SORCS2: variants seen among roughly 807,000 people sequenced by gnomAD.
SORCS2 encodes sortilin related VPS10 domain containing receptor 2.
A neutral mutation model predicts 141.6 loss-of-function variants in SORCS2; 100 were observed. That is an observed-to-expected ratio of 0.71 (90% CI 0.60 to 0.83). The LOEUF is 0.83. SORCS2 is among the 40% of genes least tolerant of loss of function. The probability of loss-of-function intolerance (pLI) is 0.00; values close to 1 mark genes in which losing one functional copy is unlikely to be tolerated. For missense variants in SORCS2, 1,646 were observed against 1,560.2 expected (o/e 1.05, Z -0.93); for synonymous variants, 789 against 676.9 (o/e 1.17, Z -2.57).
chr4:7,659,301 A>G (rs954138813), intron 5 of SORCS2, among the ~76,000 whole-genome samples: 3 of 151,516 alleles, frequency 2.0e-5, no homozygotes, highest in African/African-American at 4.9e-5. Flanking sequence ...AAAAAAAAAA[A>G]TCCGTACTCC....
At chr4:7,194,677 A>G (rs1727065310) in intron 1 of SORCS2, among the ~76,000 whole-genome samples, 1 of 152,054 alleles carries the variant, frequency 6.6e-6, no homozygotes, top group Non-Finnish European at 1.5e-5. Context: ...GAAGAGCCCT[A>G]GAAGAGTTCT....
At position 7,689,530 on chromosome 4, in the gene SORCS2, C is replaced by T. The variant is rs751486795; in HGVS notation, c.1533C>T (p.Pro511=). The change falls in exon 11 of 27, where the codon CCC becomes CCT. Residue 511 remains proline (P), a synonymous_variant. Transcript: ENST00000507866. ...LHLHLRWADN[P]YVSGTVHTKD... ...TGCACCTGCGCTGGGCAGACAACCC[C>T]TACGTATCAGGCACCGTGCACACCA... 1.4e-5 allele frequency: 23 copies of T among 1,607,234 alleles called. No homozygotes were observed. Among genetic ancestry groups the T allele is most frequent in the Non-Finnish European group, 2.0e-5 (23 of 1,177,452 alleles).
chr4:7,360,877 G>C (rs1185506693), intron 1 of SORCS2, among the ~76,000 whole-genome samples: 2 of 151,296 alleles, frequency 1.3e-5, no homozygotes, highest in Admixed American at 1.3e-4. Flanking sequence ...TGCCCGGCCC[G>C]CCCAGTCCCT....
At chr4:7,272,956 C>T (rs574153345) in intron 1 of SORCS2, among the ~76,000 whole-genome samples, 1 of 152,358 alleles carries the variant, frequency 6.6e-6, no homozygotes, top group South Asian at 2.1e-4. Flanking sequence ...ACACAGTGGG[C>T]CCTGGACCAA....
intron 2 of SORCS2, among the ~76,000 whole-genome samples, chr4:7,469,164 G>A (rs1298113955): frequency 1.3e-5 from 2 of 151,974 alleles, no homozygotes; most frequent in Non-Finnish European, 2.9e-5. Context: ...TGGTGGTGAT[G>A]GTCCTGGTGA....
chr4:7,670,962 T>C (rs1722765079), intron 8 of SORCS2, among the ~76,000 whole-genome samples: 1 of 152,166 alleles, frequency 6.6e-6, no homozygotes, highest in African/African-American at 2.4e-5. Context: ...TTCCAGGAGA[T>C]TTAAAGGGTT....
At chr4:7,700,084 C>G (rs1724965098) in intron 12 of SORCS2, among the ~76,000 whole-genome samples, 1 of 152,180 alleles carries the variant, frequency 6.6e-6, no homozygotes. Flanking sequence ...GCTTCCTGCT[C>G]CCTGGACACA....
intron 3 of SORCS2, among the ~76,000 whole-genome samples, chr4:7,567,750 C>A (rs1715124205): frequency 6.6e-6 from 1 of 152,204 alleles, no homozygotes; most frequent in Admixed American, 6.5e-5. Flanking sequence ...GAGCAGAGGA[C>A]CTGCATAAAT....
chr4:7,433,892 C>T, intron 2 of SORCS2: 1 of 1,613,876 alleles, frequency 6.2e-7, no homozygotes, highest in South Asian at 1.1e-5. Context: ...GTGATAGAGG[C>T]AGGCATTACC....
chr4:7,290,994 G>A (rs559103104), intron 1 of SORCS2, among the ~76,000 whole-genome samples: 2 of 152,278 alleles, frequency 1.3e-5, no homozygotes, highest in South Asian at 2.1e-4. Context: ...AGACAGTCCT[G>A]GGACCATGTT....
chr4:7,245,351 G>T (rs918846798), intron 1 of SORCS2, among the ~76,000 whole-genome samples: 1 of 152,250 alleles, frequency 6.6e-6, no homozygotes, highest in Non-Finnish European at 1.5e-5. Context: ...GCTGCACACC[G>T]GAGGTGGCCT....
intron 14 of SORCS2, 90 bp from the exon 15 acceptor site, chr4:7,712,643 G>A: frequency 1.3e-6 from 2 of 1,559,364 alleles, no homozygotes; most frequent in South Asian, 1.2e-5. Flanking sequence ...GTACAGGTAG[G>A]AACAGAGTCC....
intron 1 of SORCS2, among the ~76,000 whole-genome samples, chr4:7,243,737 G>A (rs1712873092): frequency 6.6e-6 from 1 of 152,244 alleles, no homozygotes; most frequent in South Asian, 2.1e-4. Flanking sequence ...CTGCTTCTCA[G>A]TTAGGGCGTG....
chr4:7,637,399 G>C (rs968057653), intron 3 of SORCS2, among the ~76,000 whole-genome samples: 2 of 152,162 alleles, frequency 1.3e-5, no homozygotes, highest in African/African-American at 2.4e-5. Context: ...CTCTCTCCCC[G>C]TCCGTCCCTG....
intron 1 of SORCS2, among the ~76,000 whole-genome samples, chr4:7,391,058 C>T (rs950316948): frequency 7.2e-5 from 11 of 152,156 alleles, no homozygotes; most frequent in Non-Finnish European, 1.6e-4. Context: ...GAGACCCTCC[C>T]GCAGTCTCCA....
At chr4:7,197,735 C>G (rs184819578) in intron 1 of SORCS2, among the ~76,000 whole-genome samples, 1 of 152,112 alleles carries the variant, frequency 6.6e-6, no homozygotes. Flanking sequence ...AAAAAGTCAG[C>G]TCCCGATGGA....
intron 2 of SORCS2, among the ~76,000 whole-genome samples, chr4:7,420,352 C>G (rs1725958467): frequency 6.6e-6 from 1 of 152,208 alleles, no homozygotes; most frequent in Middle Eastern, 3.2e-3. Context: ...CTCCACCTTG[C>G]AGGTTTGTGG....
chr4:7,339,795 A>G (rs1362390621), intron 1 of SORCS2, among the ~76,000 whole-genome samples: 1 of 152,158 alleles, frequency 6.6e-6, no homozygotes, highest in Admixed American at 6.5e-5. Context: ...ACCAGCTCAG[A>G]CGTGTTCATA....
chr4:7,539,717 AGGCCCCGCCCCTTCCTGCTGTGGC>A (rs1712428831), intron 3 of SORCS2, among the ~76,000 whole-genome samples: 2 of 56,526 alleles, frequency 3.5e-5, no homozygotes, highest in Admixed American at 2.5e-4. Context: ...CCTGCTGTGG[AGGCCCCGCCCCTTCCTGCTGTGGC>A]GGCCCCACCC....
Sources: allele counts gnomAD v4.1 joint callset (sites outside exome capture counted in the v4.1 genomes callset), GRCh38; gene constraint gnomAD v4.1.1; transcripts MANE v1.5; gene names NCBI Gene and HGNC (gene_info 2026-07-23, HGNC 2026-07-21).